Variants in LIAS observed in about 807,000 individuals in gnomAD.
LIAS encodes lipoyl synthase, mitochondrial.
LIAS carries 36 observed loss-of-function variants against 49.4 expected under a neutral mutation model. The ratio of observed to expected loss-of-function variants is 0.73; its 90% CI spans 0.56 to 0.96. LIAS has a LOEUF of 0.96. Among genes scored for constraint, LIAS ranks in the 40% least tolerant of loss-of-function variants. The pLI, the probability that LIAS is intolerant of heterozygous loss-of-function variation, is 0.00. For synonymous variants in LIAS, 145 were observed against 155.8 expected, an observed-to-expected ratio of 0.93 and a Z score of 0.52; for missense variants, 399 against 456.3, an observed-to-expected ratio of 0.87 and a Z score of 1.14.
intron 4 of LIAS, 135 bp downstream of exon 4, chr4:39,463,740 G>A: frequency 7.4e-7 from 1 of 1,346,022 alleles, no homozygotes; most frequent in Admixed American, 3.3e-5. Context: ...AAAATATTAA[G>A]AAAAAACCTG....
chr4:39,466,270 A>T (rs1052817627), intron 6 of LIAS: 4 of 152,166 alleles, frequency 2.6e-5, no homozygotes, highest in African/African-American at 9.7e-5. Context: ...TCTACAGCTC[A>T]GTACTAGTTT....
chr4:39,459,156 G>T lies in LIAS; in HGVS notation c.39G>T (p.Gly13=). 1 of 1,613,146 alleles carries T rather than the reference G, an allele frequency of 6.2e-7. No individual in the cohort carries two copies. The change falls in exon 1 of 11, where the codon GGG becomes GGT. Residue 13 remains glycine (G), a synonymous_variant. Coordinates refer to ENST00000640888, the MANE Select transcript of LIAS (RefSeq NM_006859.4). ...LRCGDAARTL[G]PRVFGRYFCS... is the part of the protein sequence containing the mutation. Reference sequence around the variant, plus strand: ...GCGGGGATGCAGCCCGCACCCTGGGGCCCCGGGTGAGCGGCGGGGCGAACG... The same window carrying T: ...GCGGGGATGCAGCCCGCACCCTGGGTCCCCGGGTGAGCGGCGGGGCGAACG...
At position 39,470,052 on chromosome 4, in the gene LIAS, G is replaced by GTCC; in HGVS notation, c.772_774dup (p.Ser258dup). The GTCC allele has an allele frequency of 6.2e-7, 1 of 1,613,892 alleles. No homozygotes were observed. Among genetic ancestry groups the GTCC allele is most frequent in the Non-Finnish European group, 8.5e-7 (1 of 1,179,844 alleles). On this transcript the variant is annotated inframe_insertion, in exon 8 of 11. Coordinates refer to ENST00000640888, the MANE Select transcript of LIAS (RefSeq NM_006859.4). ...GTGATCCTCGGGCCAATTTTGATCA[G>GTCC]TCCCTACGTGTACTGAAACATGCCA...
At chr4:39,463,721 C>T (rs2109873344) in intron 4 of LIAS, 116 bp downstream of exon 4, 3 of 1,364,792 alleles carry the variant, frequency 2.2e-6, no homozygotes, top group Admixed American at 6.5e-5. Flanking sequence ...ATTACATTTG[C>T]ATTTATGAAA....
rs117998845 is a variant in LIAS, at chr4:39,474,364, C to A, written c.1066+1153C>A. Among the ~76,000 whole-genome samples, 88 of 151,552 alleles carry A rather than the reference C, an allele frequency of 5.8e-4. No homozygotes were observed. The East Asian group carries it at 0.014, about 24-fold the overall frequency. On this transcript the variant is annotated intron_variant, in intron 10 of 10. Transcript: ENST00000640888. ...GTTGGATTACTTGAGCCTAGGAGTT[C>A]AAGGATGCAGTGAGCTATGATCGTG...
At chr4:39,471,745 C>G in intron 9 of LIAS, among the ~76,000 whole-genome samples, 1 of 149,904 alleles carries the variant, frequency 6.7e-6, no homozygotes, top group Non-Finnish European at 1.5e-5. Flanking sequence ...AGGCTGGTCT[C>G]GAACTCCTGA....
Position 39,459,092 on chromosome 4 carries a change from T to C in LIAS, c.-26T>C, listed in dbSNP as rs759743945. The C allele has an allele frequency of 1.1e-5, 17 of 1,613,886 alleles. No individual in the cohort carries two copies. The highest frequency in any genetic ancestry group is 2.2e-5 in the East Asian group (1 of 44,884). The stretch of plus-strand genomic sequence containing the variant: ...CGGGAGTTAGCGATCCCTCAACCCC[T>C]GCACTGCGCTAGTCCTAAAGAGGAA... On this transcript the variant is annotated 5_prime_UTR_variant, in exon 1 of 11. Transcript: ENST00000640888.
At chr4:39,474,300 A>G (rs1745105732) in intron 10 of LIAS, among the ~76,000 whole-genome samples, 1 of 148,402 alleles carries the variant, frequency 6.7e-6, no homozygotes, top group African/African-American at 2.5e-5. Context: ...AGGCCAGGCA[A>G]GGTGGCTCAT....
At chr4:39,464,980 C>A in intron 4 of LIAS, 66 bp from the exon 5 acceptor site, 1 of 1,351,146 alleles carries the variant, frequency 7.4e-7, no homozygotes, top group Non-Finnish European at 1.0e-6. Flanking sequence ...TTGCTTTATT[C>A]TCTCAACATT....
At chr4:39,461,001 T>A in intron 2 of LIAS, 39 bp downstream of exon 2, 2 of 1,518,746 alleles carry the variant, frequency 1.3e-6, no homozygotes, top group Non-Finnish European at 1.8e-6. Flanking sequence ...GTCCCGTTCC[T>A]TTATTGTGCA....
intron 4 of LIAS, chr4:39,463,819 T>C: frequency 3.0e-6 from 3 of 1,000,370 alleles, no homozygotes; most frequent in Non-Finnish European, 3.9e-6. Context: ...CTTTCATTTA[T>C]GTGATAGTTA....
At chr4:39,466,315 A>T (rs1744753840) in intron 6 of LIAS, 2 of 152,208 alleles carry the variant, frequency 1.3e-5, no homozygotes, top group African/African-American at 2.4e-5. Flanking sequence ...TTTTTAAATG[A>T]TTCCCTAGTA....
rs773952379 is a variant in LIAS, at chr4:39,467,488, C to T, written c.609-30C>T. Reference sequence around the variant, plus strand: ...GAACAGGTATGTCAGTTCTTTCTCTCTGTTTGATAATTCTCTCTTTTCCCC... The same window carrying T: ...GAACAGGTATGTCAGTTCTTTCTCTTTGTTTGATAATTCTCTCTTTTCCCC... On this transcript the variant is annotated intron_variant, in intron 6 of 10. Coordinates refer to ENST00000640888, the MANE Select transcript of LIAS (RefSeq NM_006859.4). The T allele has an allele frequency of 1.9e-6, 3 of 1,548,552 alleles. No individual in the cohort carries two copies. The Admixed American group carries it at 6.0e-5, about 31-fold the overall frequency.
In LIAS at chr4:39,470,050, C is replaced by A. The variant is rs1427248293; in HGVS notation, c.769C>A (p.Gln257Lys). 3 of 1,608,452 alleles carry A rather than the reference C, an allele frequency of 1.9e-6. No homozygotes were observed. Among genetic ancestry groups the A allele is most frequent in the Non-Finnish European group, 2.5e-6 (3 of 1,176,504 alleles). Residue 257 changes from glutamine (Q) to lysine (K), a missense_variant, in exon 8 of 11, where the codon CAG (glutamine) becomes AAG (lysine). Gln to Lys is a moderately conservative substitution (Grantham distance 53). This residue lies in a region of LIAS where 234 missense variants were observed against 292.2 expected (regional missense o/e 0.80). Coordinates refer to ENST00000640888, the MANE Select transcript of LIAS (RefSeq NM_006859.4). The part of the protein sequence containing the change: ...KVRDPRANFD[Q>K]SLRVLKHAKK... ...TCGTGATCCTCGGGCCAATTTTGAT[C>A]AGTCCCTACGTGTACTGAAACATGC...
rs1249591053 is a variant in LIAS, at chr4:39,467,607, T to C, written c.698T>C (p.Val233Ala). ...AAAGTTGCTCTGTCAGGATTAGATG[T>C]GTATGCACATAATGTAGAAACAGTC... ...IEKVALSGLD[V>A]YAHNVETVPE... is the part of the protein sequence containing the mutation. Residue 233 changes from valine to alanine, a missense_variant, in exon 7 of 11, where the codon GTG (valine) becomes GCG (alanine). Coordinates refer to ENST00000640888, the MANE Select transcript of LIAS (RefSeq NM_006859.4). 6.2e-7 allele frequency: 1 copy of C among 1,600,102 alleles called. No individual in the cohort carries two copies. Among genetic ancestry groups the C allele is most frequent in the Non-Finnish European group, 8.5e-7 (1 of 1,172,778 alleles).
intron 1 of LIAS, among the ~76,000 whole-genome samples, chr4:39,459,421 T>C (rs905980257): frequency 1.3e-5 from 2 of 152,192 alleles, no homozygotes; most frequent in Non-Finnish European, 2.9e-5. Context: ...TTGTACCCTA[T>C]ATTTATGGAG....
chr4:39,478,036 A>G lies in LIAS; in HGVS notation c.*921A>G, dbSNP rs1745264416. 6.6e-6 allele frequency: 1 copy of G among 152,194 alleles called. No homozygotes were observed. Among genetic ancestry groups the G allele is most frequent in the South Asian group, 2.1e-4 (1 of 4,832 alleles). 9.4% of individuals were successfully genotyped at this position (152,194 alleles called of 1,614,324 possible). A position where few individuals can be genotyped will look rare whatever the true frequency, so the allele number is the denominator to read the frequency against. ...TCCAATCCACTGTTAACATCATTAC[A>G]TTTCATTTATGAAAAATAAAAACTT... is the stretch of plus-strand genomic sequence containing the variant. On this transcript the variant is annotated 3_prime_UTR_variant, in exon 11 of 11. Coordinates refer to ENST00000640888, the MANE Select transcript of LIAS (RefSeq NM_006859.4).
intron 9 of LIAS, 98 bp downstream of exon 9, chr4:39,471,404 G>T (rs2109885041): frequency 2.3e-6 from 2 of 868,610 alleles, no homozygotes; most frequent in East Asian, 5.3e-5. Context: ...CACAATCTCG[G>T]CTCACTGTAA....
At chr4:39,476,960 GTCT>G (rs757280462) in intron 10 of LIAS, 100 bp from the exon 11 acceptor site, 3 of 737,890 alleles carry the variant, frequency 4.1e-6, no homozygotes, top group Non-Finnish European at 6.6e-6. Flanking sequence ...AAATACAAAA[GTCT>G]TCTTTAAAGG....
Sources: gnomAD v4.1 joint callset for allele counts (sites outside exome capture counted in the v4.1 genomes callset) on GRCh38, gnomAD v4.1.1 for gene constraint, gnomAD v4.1.1 regional missense constraint, MANE v1.5 for transcripts, NCBI Gene and HGNC (gene_info 2026-07-23, HGNC 2026-07-21) for gene names.